Variants in SLC24A2 observed in about 807,000 individuals in gnomAD.
SLC24A2 encodes the protein solute carrier family 24 member 2.
Under a neutral mutation model 62.0 loss-of-function variants are expected in SLC24A2, and 36 were observed. The ratio of observed to expected loss-of-function variants is 0.58; its 90% confidence interval spans 0.44 to 0.77. The LOEUF (loss-of-function observed/expected upper bound fraction) is 0.77. Among genes scored for constraint, SLC24A2 ranks in the 30% least tolerant of loss-of-function variants. SLC24A2 has a pLI of 0.00. For missense variants in SLC24A2, 846 were observed against 817.9 expected (o/e 1.03, Z -0.42); for synonymous variants, 358 against 294.0 (o/e 1.22, Z -2.23).
the SLC24A2 span, among the ~76,000 whole-genome samples, chr9:20,239,223 C>T: frequency 5.8e-4 from 88 of 152,228 alleles, no homozygotes; most frequent in African/African-American, 2.0e-3. Context: ...ATAGAGGATT[C>T]CCAGTTACAT....
intron 7 of SLC24A2, among the ~76,000 whole-genome samples, chr9:19,572,303 C>A (rs1006700943): frequency 2.0e-5 from 3 of 150,374 alleles, no homozygotes; most frequent in African/African-American, 4.9e-5. Context: ...AATGCCTACA[C>A]CTTCAGCTGT....
intron 2 of SLC24A2, among the ~76,000 whole-genome samples, chr9:19,768,320 A>G (rs1288529948): frequency 6.6e-6 from 1 of 152,082 alleles, no homozygotes; most frequent in East Asian, 1.9e-4. Flanking sequence ...CCAGGTTTTC[A>G]CCCAAGCACT....
chr9:19,511,122 A>G lies in SLC24A2; in HGVS notation c.*5031T>C, dbSNP rs957575193. ...ACGACTACATGCTCCGGGTGATTAC[A>G]TGCCACAACCTGCGCAGGTCCAAAG... On this transcript the variant is annotated 3_prime_UTR_variant, in exon 11 of 11. Transcript: ENST00000341998. 6.6e-6 allele frequency: 1 copy of G among 152,206 alleles called. No homozygotes were observed. Among genetic ancestry groups the G allele is most frequent in the South Asian group, 2.1e-4 (1 of 4,832 alleles). The allele number at this position is 152,206 out of a possible 1,614,324, so 9.4% of individuals were successfully genotyped here. A position where few individuals can be genotyped will look rare whatever the true frequency, so the allele number is the denominator to read the frequency against.
the SLC24A2 span, among the ~76,000 whole-genome samples, chr9:19,905,974 G>A: frequency 6.6e-6 from 1 of 152,134 alleles, no homozygotes; most frequent in Admixed American, 6.5e-5. Context: ...GCACCAAGCA[G>A]ACCTAATAGA....
chr9:19,941,594 A>T, the SLC24A2 span, among the ~76,000 whole-genome samples: 700 of 66,094 alleles, frequency 0.011, 9 homozygotes, highest in African/African-American at 0.03. Flanking sequence ...TGTGTGTGAG[A>T]GAGAGAGAGA....
intron 10 of SLC24A2, among the ~76,000 whole-genome samples, chr9:19,519,655 G>A (rs1172156242): frequency 6.6e-6 from 1 of 152,124 alleles, no homozygotes; most frequent in Non-Finnish European, 1.5e-5. Flanking sequence ...CTGCTCTTGG[G>A]ATGCACAGTC....
the SLC24A2 span, chr9:19,927,793 T>G: frequency 1.3e-5 from 2 of 152,176 alleles, no homozygotes; most frequent in Admixed American, 6.5e-5. Context: ...CAGGTTGATG[T>G]GAAATCCAAT....
chr9:19,868,084 G>A, the SLC24A2 span, among the ~76,000 whole-genome samples: 1 of 151,668 alleles, frequency 6.6e-6, no homozygotes, highest in Non-Finnish European at 1.5e-5. Flanking sequence ...TTAAGTTGTT[G>A]ATTTGAGATC....
At chr9:20,122,191 G>C in the SLC24A2 span, among the ~76,000 whole-genome samples, 1 of 152,318 alleles carries the variant, frequency 6.6e-6, no homozygotes, top group South Asian at 2.1e-4. Context: ...ATTTAACCAA[G>C]CATGGAACCA....
At chr9:19,966,761 C>T in the SLC24A2 span, among the ~76,000 whole-genome samples, 1 of 152,094 alleles carries the variant, frequency 6.6e-6, no homozygotes, top group Non-Finnish European at 1.5e-5. Flanking sequence ...AGTAGATATA[C>T]AATTAACAGA....
At chr9:19,976,256 G>T in the SLC24A2 span, among the ~76,000 whole-genome samples, 1 of 152,202 alleles carries the variant, frequency 6.6e-6, no homozygotes, top group Non-Finnish European at 1.5e-5. Flanking sequence ...GATATGGTTT[G>T]TCTCTGTATC....
the SLC24A2 span, among the ~76,000 whole-genome samples, chr9:20,145,124 G>A: frequency 6.6e-6 from 1 of 152,154 alleles, no homozygotes; most frequent in Admixed American, 6.5e-5. Context: ...TGGAATTCAG[G>A]ATTTCATATG....
Position 19,510,950 on chromosome 9 carries a change from G to T in SLC24A2, c.*5203C>A, listed in dbSNP as rs1219633927. 2 of 152,218 alleles carry T rather than the reference G, an allele frequency of 1.3e-5. No individual in the cohort carries two copies. Among genetic ancestry groups the T allele is most frequent in the Non-Finnish European group, 2.9e-5 (2 of 68,072 alleles). 9.4% of individuals were successfully genotyped at this position (152,218 alleles called of 1,614,324 possible). A position where few individuals can be genotyped will look rare whatever the true frequency, so the allele number is the denominator to read the frequency against. On this transcript the variant is annotated 3_prime_UTR_variant, in exon 11 of 11. Coordinates refer to ENST00000341998, the MANE Select transcript of SLC24A2 (RefSeq NM_020344.4). ...GTCCCTAGCCATATTAAGGGCCTCT[G>T]TGGAGTTTGGGTGGTTCTGAGCAAG...
the SLC24A2 span, among the ~76,000 whole-genome samples, chr9:20,262,417 A>G: frequency 2.6e-5 from 4 of 152,232 alleles, no homozygotes; most frequent in African/African-American, 9.6e-5. Context: ...ACATTGCCCA[A>G]TAAAGGAAAG....
At chr9:19,752,487 T>A (rs914152450) in intron 2 of SLC24A2, among the ~76,000 whole-genome samples, 1 of 130,814 alleles carries the variant, frequency 7.6e-6, no homozygotes, top group African/African-American at 2.7e-5. Context: ...CAGATAAGGA[T>A]GCCATTTAAC....
chr9:19,548,276 GATTTTTTTTT>G (rs1174893995), intron 8 of SLC24A2, among the ~76,000 whole-genome samples: 1 of 152,034 alleles, frequency 6.6e-6, no homozygotes, highest in East Asian at 1.9e-4. Context: ...TTTTTTAAAT[GATTTTTTTTT>G]CTACTTTGTG....
chr9:20,163,569 C>T, the SLC24A2 span, among the ~76,000 whole-genome samples: 3 of 151,996 alleles, frequency 2.0e-5, no homozygotes, highest in Admixed American at 6.6e-5. Context: ...AGGTAATTTA[C>T]AGATTCAATG....
the SLC24A2 span, among the ~76,000 whole-genome samples, chr9:19,900,388 C>T: frequency 2.6e-5 from 4 of 152,152 alleles, no homozygotes; most frequent in Admixed American, 2.0e-4. Context: ...ATATCTACTA[C>T]TCCAAATAAA....
At chr9:20,298,272 C>A in the SLC24A2 span, among the ~76,000 whole-genome samples, 1 of 152,206 alleles carries the variant, frequency 6.6e-6, no homozygotes, top group African/African-American at 2.4e-5. Context: ...TCTTGCCACC[C>A]AGGCTGGAGT....
Sources: gnomAD v4.1 joint callset for allele counts (sites outside exome capture counted in the v4.1 genomes callset) on GRCh38, gnomAD v4.1.1 for gene constraint, MANE v1.5 for transcripts, NCBI Gene and HGNC (gene_info 2026-07-23, HGNC 2026-07-21) for gene names.